NACC2: variants seen among roughly 807,000 people sequenced by gnomAD.
NACC2 encodes the protein nucleus accumbens-associated protein 2.
Under a neutral mutation model 25.1 loss-of-function variants are expected in NACC2, and 8 were observed. The observed-to-expected ratio is 0.32, with a 90% CI of 0.19 to 0.57. The LOEUF (loss-of-function observed/expected upper bound fraction) is 0.57. NACC2 is among the 20% of genes least tolerant of loss of function. NACC2 has a pLI of 0.89. For missense variants in NACC2, 644 were observed against 650.2 expected, an observed-to-expected ratio of 0.99 and a Z score of 0.10; for synonymous variants, 435 against 294.7, an observed-to-expected ratio of 1.48 and a Z score of -4.88.
At chr9:136,059,399 G>C (rs1385042956) in intron 1 of NACC2, among the ~76,000 whole-genome samples, 1 of 152,206 alleles carries the variant, frequency 6.6e-6, no homozygotes, top group Non-Finnish European at 1.5e-5. Context: ...CAGCACGGGG[G>C]CTGCGCGAGA....
chr9:136,014,101 T>C (rs1840159554), intron 3 of NACC2, 132 bp from the exon 4 acceptor site: 1 of 662,510 alleles, frequency 1.5e-6, no homozygotes, highest in Non-Finnish European at 2.5e-6. Flanking sequence ...GGACTTTTTT[T>C]GGGGAGGAGC....
intron 2 of NACC2, among the ~76,000 whole-genome samples, chr9:136,024,520 TGTGTGTGTGTGTGGACA>T (rs1462115085): frequency 1.9e-4 from 27 of 145,226 alleles, no homozygotes; most frequent in African/African-American, 6.4e-4. Flanking sequence ...TGTGTGTGTG[TGTGTGTGTGTGTGGACA>T]GTGTGTGTGA....
chr9:136,044,534 C>T (rs1027211727), intron 2 of NACC2, among the ~76,000 whole-genome samples: 4 of 152,180 alleles, frequency 2.6e-5, no homozygotes, highest in African/African-American at 9.7e-5. Context: ...GGGCCCCACC[C>T]TATCCAGGCC....
At chr9:136,016,216 A>T in intron 3 of NACC2, 49 bp downstream of exon 3, 1 of 1,595,898 alleles carries the variant, frequency 6.3e-7, no homozygotes, top group Non-Finnish European at 8.6e-7. Flanking sequence ...TAAATAAATA[A>T]ATAAATGAGG....
intron 2 of NACC2, among the ~76,000 whole-genome samples, chr9:136,024,177 TGA>T (rs1191909199): frequency 1.5e-4 from 13 of 88,144 alleles, no homozygotes; most frequent in Middle Eastern, 0.02. Flanking sequence ...TGTGTGTGTG[TGA>T]GGACGGAGTG....
chr9:136,079,058 CTTTT>C (rs10540260), intron 1 of NACC2, among the ~76,000 whole-genome samples: 5,433 of 148,578 alleles, frequency 0.037, 317 homozygotes, highest in African/African-American at 0.13. Flanking sequence ...ATAGCTTCTT[CTTTT>C]TTTTTTTTTT....
rs1230882845 is a variant in NACC2, at chr9:136,049,505, C to T, written c.886+131G>A. On this transcript the variant is annotated intron_variant, in intron 2 of 5. Transcript: ENST00000277554. ...CATGGTGAACAGAGCTCTGCCACCT[C>T]CTCCAGGCTTGGTGGGGGGCTCCCC... 8 of 606,416 alleles carry T rather than the reference C, an allele frequency of 1.3e-5. No homozygotes were observed. The Admixed American group carries it at 2.3e-4, about 17-fold the overall frequency. The allele number at this position is 606,416 out of a possible 1,614,324, so 37.6% of individuals were successfully genotyped here.
intron 1 of NACC2, among the ~76,000 whole-genome samples, chr9:136,094,684 G>C (rs1013593454): frequency 6.6e-5 from 10 of 152,032 alleles, no homozygotes; most frequent in African/African-American, 2.4e-4. Context: ...GGACCGGGAG[G>C]GCGAGGCGCG....
At chr9:136,025,742 G>A (rs1406933028) in intron 2 of NACC2, among the ~76,000 whole-genome samples, 1 of 151,638 alleles carries the variant, frequency 6.6e-6, no homozygotes, top group African/African-American at 2.4e-5. Flanking sequence ...GCAAGACCTC[G>A]CCTCTACTAA....
intron 1 of NACC2, among the ~76,000 whole-genome samples, chr9:136,067,921 C>T (rs983695355): frequency 6.6e-6 from 1 of 152,206 alleles, no homozygotes; most frequent in Non-Finnish European, 1.5e-5. Context: ...GGGCTATAAA[C>T]CTATAGAGCA....
chr9:136,045,168 C>T (rs1840701319), intron 2 of NACC2, among the ~76,000 whole-genome samples: 1 of 152,226 alleles, frequency 6.6e-6, no homozygotes, highest in South Asian at 2.1e-4. Context: ...AGTGGGTACC[C>T]AGCTTAGGGA....
At chr9:136,052,299 G>C in intron 1 of NACC2, among the ~76,000 whole-genome samples, 1 of 152,196 alleles carries the variant, frequency 6.6e-6, no homozygotes, top group African/African-American at 2.4e-5. Context: ...GTGCAGTTTT[G>C]CATATGAATT....
At position 136,019,284 on chromosome 9, in the gene NACC2, G is replaced by C. The variant is rs577373758; in HGVS notation, c.887-2855C>G. ...GCTCATCCCTCGTGGCCCCCGGAAG[G>C]GCCATTCAGAGGCCCCGTGAGTCGG... On this transcript the variant is annotated intron_variant, in intron 2 of 5. Coordinates refer to ENST00000277554, the MANE Select transcript of NACC2 (RefSeq NM_144653.5). This position sits in a 1 kb window ranked among gnomAD's most constrained non-coding sequence, Gnocchi z 5.2. The C allele has an allele frequency of 9.2e-5, 14 of 152,380 alleles. No homozygotes were observed. The highest frequency in any genetic ancestry group is 3.1e-4 in the African/African-American group (13 of 41,578). The allele number at this position is 152,380 out of a possible 1,614,324, so 9.4% of individuals were successfully genotyped here. A position where few individuals can be genotyped will look rare whatever the true frequency, so the allele number is the denominator to read the frequency against.
At position 136,007,455 on chromosome 9, in the gene NACC2, GCACACAGACGCACA is replaced by G. The variant is rs1419035490; in HGVS notation, c.*4047_*4060del. ...TACACACAGACGCGCACACACACGC[GCACACAGACGCACA>G]CACACAGACGCACACACGCACAGAC... On this transcript the variant is annotated 3_prime_UTR_variant, in exon 6 of 6. Transcript: ENST00000277554. The G allele has an allele frequency of 1.3e-3, 193 of 150,172 alleles. No individual in the cohort carries two copies. The highest frequency in any genetic ancestry group is 4.0e-3 in the African/African-American group (157 of 39,502). The allele number at this position is 150,172 out of a possible 1,614,324, so 9.3% of individuals were successfully genotyped here. A position where few individuals can be genotyped will look rare whatever the true frequency, so the allele number is the denominator to read the frequency against.
At position 136,013,164 on chromosome 9, in the gene NACC2, G is replaced by GCCCCCCCCCCCCCC; in HGVS notation, c.1255+34_1255+35insGGGGGGGGGGGGGG. On this transcript the variant is annotated intron_variant, in intron 5 of 5. Coordinates refer to ENST00000277554, the MANE Select transcript of NACC2 (RefSeq NM_144653.5). The surrounding 1 kb of genome is among the most constrained non-coding windows in gnomAD (Gnocchi z 6.6). Reference sequence around the variant, plus strand: ...CAGGCTGGGATCTGAACCCAGCCCCGGCCCCACCCACCCGAGAGACCCCCA... The same window carrying GCCCCCCCCCCCCCC: ...CAGGCTGGGATCTGAACCCAGCCCCGCCCCCCCCCCCCCCGCCCCACCCACCCGAGAGACCCCCA... 2.3e-6 allele frequency: 1 copy of GCCCCCCCCCCCCCC among 444,012 alleles called. No individual in the cohort carries two copies. Among genetic ancestry groups the GCCCCCCCCCCCCCC allele is most frequent in the Non-Finnish European group, 4.4e-6 (1 of 229,560 alleles). 27.5% of individuals were successfully genotyped at this position (444,012 alleles called of 1,614,324 possible).
chr9:136,028,236 C>T (rs1479258936), intron 2 of NACC2, among the ~76,000 whole-genome samples: 2 of 151,704 alleles, frequency 1.3e-5, no homozygotes, highest in Admixed American at 1.3e-4. Context: ...AAAATTGACA[C>T]CATTAAGGAA....
intron 1 of NACC2, among the ~76,000 whole-genome samples, chr9:136,058,528 G>A (rs1243162629): frequency 6.6e-6 from 1 of 152,212 alleles, no homozygotes; most frequent in Non-Finnish European, 1.5e-5. Flanking sequence ...AGAAAGATGG[G>A]ATGTTGGATA....
intron 1 of NACC2, among the ~76,000 whole-genome samples, chr9:136,065,557 T>C (rs910806228): frequency 6.6e-6 from 1 of 151,988 alleles, no homozygotes; most frequent in African/African-American, 2.4e-5. Flanking sequence ...GAGGCAGAGG[T>C]TGTGGTGAGC....
At chr9:136,043,035 G>GAC (rs1185881930) in intron 2 of NACC2, among the ~76,000 whole-genome samples, 52 of 151,646 alleles carry the variant, frequency 3.4e-4, no homozygotes, top group Non-Finnish European at 5.2e-4. Flanking sequence ...TTCACACACA[G>GAC]ACACACACAC....
Sources: gnomAD v4.1 joint callset for allele counts (sites outside exome capture counted in the v4.1 genomes callset) on GRCh38, gnomAD v4.1.1 for gene constraint, Gnocchi (gnomAD v3.1) non-coding constraint, MANE v1.5 for transcripts, NCBI Gene and HGNC (gene_info 2026-07-23, HGNC 2026-07-21) for gene names.